The following IGF1R variants were observed in gnomAD, a reference collection of about 807,000 sequenced individuals.
The protein encoded by IGF1R is insulin-like growth factor 1 receptor.
IGF1R carries 44 observed loss-of-function variants against 144.6 expected under a neutral mutation model. The observed-to-expected ratio is 0.30, with a 90% confidence interval of 0.24 to 0.39. The LOEUF is 0.39. Ranked by LOEUF, IGF1R falls within the 10% of genes least tolerant of loss-of-function variation. The pLI is 1.00. For missense variants in IGF1R, 1,355 were observed against 1,833.7 expected, an observed-to-expected ratio of 0.74 and a Z score of 4.77; for synonymous variants, 795 against 722.8, an observed-to-expected ratio of 1.10 and a Z score of -1.60.
chr15:98,877,704 T>C (rs2013133990), intron 2 of IGF1R, among the ~76,000 whole-genome samples: 2 of 152,138 alleles, frequency 1.3e-5, no homozygotes, highest in Non-Finnish European at 2.9e-5. Flanking sequence ...GTGAAGAGGC[T>C]TCACTGTGAT....
chr15:98,801,531 G>A (rs936464357), intron 2 of IGF1R, among the ~76,000 whole-genome samples: 1 of 152,230 alleles, frequency 6.6e-6, no homozygotes, highest in Admixed American at 6.5e-5. Flanking sequence ...GCCCGGAAGA[G>A]GCCTTTCCTT....
At chr15:98,816,044 C>A (rs779469664) in intron 2 of IGF1R, among the ~76,000 whole-genome samples, 5 of 152,236 alleles carry the variant, frequency 3.3e-5, no homozygotes, top group Non-Finnish European at 5.9e-5. Flanking sequence ...TCTCCTTTGA[C>A]ACCAGCCATT....
intron 1 of IGF1R, chr15:98,660,552 A>C (rs760003682): frequency 1.3e-5 from 2 of 152,226 alleles, no homozygotes; most frequent in Non-Finnish European, 2.9e-5. Context: ...ACTTTGAAGC[A>C]CTTCTTTGTA....
Position 98,849,327 on chromosome 15 carries a change from A to G in IGF1R, c.641-41998A>G, listed in dbSNP as rs77995907. 2.0e-5 allele frequency among the ~76,000 whole-genome samples: 3 copies of G among 152,248 alleles called. No homozygotes were observed. The East Asian group carries it at 5.8e-4, about 29-fold the overall frequency. On this transcript the variant is annotated intron_variant, in intron 2 of 20. Transcript: ENST00000650285. The stretch of plus-strand genomic sequence containing the variant: ...TTGATTTACTGGATTGGGGCATGTA[A>G]ATTATGGCCCAATCATGCCATGTTT...
At chr15:98,780,933 T>G (rs1033580500) in intron 2 of IGF1R, among the ~76,000 whole-genome samples, 2 of 152,154 alleles carry the variant, frequency 1.3e-5, no homozygotes, top group Admixed American at 1.3e-4. Context: ...CTGGGCAACA[T>G]GGCAAGCTTT....
intron 2 of IGF1R, among the ~76,000 whole-genome samples, chr15:98,797,863 T>C (rs1360956145): frequency 6.6e-6 from 1 of 152,058 alleles, no homozygotes; most frequent in Non-Finnish European, 1.5e-5. Flanking sequence ...CAGTGGTAAG[T>C]GCTATGAAAA....
intron 2 of IGF1R, among the ~76,000 whole-genome samples, chr15:98,806,060 A>T (rs1284455553): frequency 6.6e-6 from 1 of 152,190 alleles, no homozygotes; most frequent in Non-Finnish European, 1.5e-5. Context: ...CCTTGCTTTC[A>T]GGTCTGATAA....
chr15:98,956,988 A>G lies in IGF1R; in HGVS notation c.3723-73A>G, dbSNP rs2017014831. ...ACGCTTGTATGCGGGAAACCACTGCAGGCGGCCCATGAAGCCTCCTGGCCA... is the reference window on the plus strand; with the variant it reads ...ACGCTTGTATGCGGGAAACCACTGCGGGCGGCCCATGAAGCCTCCTGGCCA... On this transcript the variant is annotated intron_variant, in intron 20 of 20. Coordinates refer to ENST00000650285, the MANE Select transcript of IGF1R (RefSeq NM_000875.5). 5 of 1,529,310 alleles carry G rather than the reference A, an allele frequency of 3.3e-6. No homozygotes were observed. In the Admixed American group the frequency reaches 8.3e-5, roughly 26 times the overall value. The allele number at this position is 1,529,310 out of a possible 1,614,324, so 94.7% of individuals were successfully genotyped here.
At chr15:98,722,106 G>A (rs1400015662) in intron 2 of IGF1R, among the ~76,000 whole-genome samples, 2 of 152,078 alleles carry the variant, frequency 1.3e-5, no homozygotes, top group African/African-American at 4.8e-5. Flanking sequence ...CACAATTAAG[G>A]TGCCCCCGTT....
intron 5 of IGF1R, among the ~76,000 whole-genome samples, chr15:98,904,473 A>C (rs1013248084): frequency 6.6e-6 from 1 of 152,214 alleles, no homozygotes; most frequent in East Asian, 1.9e-4. Context: ...ACCTAGATAG[A>C]CATATCCACC....
chr15:98,911,334 T>C lies in IGF1R; in HGVS notation c.1482T>C (p.His494=), dbSNP rs1472468290. The change falls in exon 7 of 21, where the codon CAT becomes CAC. Residue 494 remains histidine (H), a synonymous_variant. Coordinates refer to ENST00000650285, the MANE Select transcript of IGF1R (RefSeq NM_000875.5). ...CCCCAGGTGAAAGTGACGTCCTGCATTTCACCTCCACCACCACGTCGAAGA... is the reference window on the plus strand; with the variant it reads ...CCCCAGGTGAAAGTGACGTCCTGCACTTCACCTCCACCACCACGTCGAAGA... ...ERASCESDVL[H]FTSTTTSKNR... The C allele has an allele frequency of 1.2e-6, 2 of 1,614,114 alleles. No individual in the cohort carries two copies.
At chr15:98,735,733 A>G (rs993045381) in intron 2 of IGF1R, among the ~76,000 whole-genome samples, 3 of 152,226 alleles carry the variant, frequency 2.0e-5, no homozygotes, top group African/African-American at 7.2e-5. Context: ...ATCGCATTGG[A>G]GCTACTTCAA....
chr15:98,705,261 A>C (rs1296997163), intron 1 of IGF1R, among the ~76,000 whole-genome samples: 1 of 152,204 alleles, frequency 6.6e-6, no homozygotes, highest in African/African-American at 2.4e-5. Context: ...TGGAAGGTCA[A>C]GTGACACTTC....
At chr15:98,688,346 T>G (rs1188335320) in intron 1 of IGF1R, among the ~76,000 whole-genome samples, 3 of 14,650 alleles carry the variant, frequency 2.0e-4, no homozygotes, top group Non-Finnish European at 4.6e-4. Flanking sequence ...GCCTTTCACT[T>G]CCCCCCACAC....
At chr15:98,743,851 G>C (rs904423597) in intron 2 of IGF1R, among the ~76,000 whole-genome samples, 17 of 152,208 alleles carry the variant, frequency 1.1e-4, no homozygotes, top group African/African-American at 4.1e-4. Flanking sequence ...GTTGACTGCA[G>C]AGAGAGTAGG....
At position 98,913,233 on chromosome 15, in the gene IGF1R, T is replaced by C. The variant is rs753104360; in HGVS notation, c.1779T>C (p.His593=). ...CCCTCACCATGGTGGAGAACGACCATATCCGTGGGGCCAAGAGTGAGATCT... is the reference window on the plus strand; with the variant it reads ...CCCTCACCATGGTGGAGAACGACCACATCCGTGGGGCCAAGAGTGAGATCT... ...AVTLTMVEND[H]IRGAKSEILY... The change falls in exon 8 of 21, where the codon CAT becomes CAC. Residue 593 remains histidine, a synonymous_variant. Coordinates refer to ENST00000650285, the MANE Select transcript of IGF1R (RefSeq NM_000875.5). 2 of 1,614,182 alleles carry C rather than the reference T, an allele frequency of 1.2e-6. No homozygotes were observed. Among genetic ancestry groups the C allele is most frequent in the Admixed American group, 3.3e-5 (2 of 59,998 alleles).
At chr15:98,839,656 T>C (rs922283042) in intron 2 of IGF1R, among the ~76,000 whole-genome samples, 1 of 152,196 alleles carries the variant, frequency 6.6e-6, no homozygotes, top group African/African-American at 2.4e-5. Flanking sequence ...GAGCTGGTAG[T>C]GGTAGATGAG....
intron 10 of IGF1R, among the ~76,000 whole-genome samples, chr15:98,920,432 C>T (rs1393097061): frequency 6.6e-6 from 1 of 152,136 alleles, no homozygotes; most frequent in African/African-American, 2.4e-5. Context: ...GTGGGCTGAG[C>T]CGGGAGAGGG....
intron 19 of IGF1R, among the ~76,000 whole-genome samples, chr15:98,946,050 T>C (rs1257962505): frequency 2.6e-5 from 4 of 151,922 alleles, no homozygotes; most frequent in African/African-American, 9.7e-5. Context: ...AGCGTCGTCG[T>C]CGTCCTGGTC....
Sources: allele counts gnomAD v4.1 joint callset (sites outside exome capture counted in the v4.1 genomes callset), GRCh38; gene constraint gnomAD v4.1.1; transcripts MANE v1.5; gene names NCBI Gene and HGNC (gene_info 2026-07-23, HGNC 2026-07-21).